The following MICU1 variants were observed in gnomAD, a reference collection of about 807,000 sequenced individuals.
MICU1 encodes calcium uptake protein 1, mitochondrial.
MICU1 carries 45 observed loss-of-function variants against 56.8 expected under a neutral mutation model. The ratio of observed to expected loss-of-function variants is 0.79; its 90% confidence interval spans 0.62 to 1.02. MICU1 has a LOEUF of 1.02. Ranked by LOEUF, MICU1 falls within the 50% of genes least tolerant of loss-of-function variation. The pLI is 0.00. For missense variants in MICU1, 504 were observed against 587.1 expected, an observed-to-expected ratio of 0.86 and a Z score of 1.46; for synonymous variants, 186 against 195.1, an observed-to-expected ratio of 0.95 and a Z score of 0.39.
rs1276210440 is a variant in MICU1 at position 72,462,224 on chromosome 10, T to C, written c.933+12876A>G. 3.3e-5 allele frequency among the ~76,000 whole-genome samples: 5 copies of C among 151,358 alleles called. No individual in the cohort carries two copies. In the South Asian group the frequency reaches 6.2e-4, roughly 19 times the overall value. On this transcript the variant is annotated intron_variant, in intron 8 of 11. Coordinates refer to ENST00000361114, the MANE Select transcript of MICU1 (RefSeq NM_001195518.2). ...AAATGTATTTCTTTTCTTTTCTTTT[T>C]TTTTTTTTTTGAGCCAGGGTCTTAC...
intron 8 of MICU1, among the ~76,000 whole-genome samples, chr10:72,436,369 A>G (rs968986974): frequency 6.6e-6 from 1 of 152,230 alleles, no homozygotes; most frequent in Non-Finnish European, 1.5e-5. Flanking sequence ...TAGCATCAAC[A>G]TCAACAAAAA....
chr10:72,582,973 C>G (rs1840943893), intron 1 of MICU1: 1 of 152,140 alleles, frequency 6.6e-6, no homozygotes, highest in Non-Finnish European at 1.5e-5. Flanking sequence ...GAGGGGTGAA[C>G]CAGGCCAGGT....
At chr10:72,534,990 C>T (rs948271275) in intron 4 of MICU1, among the ~76,000 whole-genome samples, 5 of 66,302 alleles carry the variant, frequency 7.5e-5, no homozygotes, top group Non-Finnish European at 1.7e-4. Context: ...ACTTTGATTG[C>T]CTATCTCCCT....
intron 2 of MICU1, among the ~76,000 whole-genome samples, chr10:72,566,008 A>G (rs1245385707): frequency 6.6e-6 from 1 of 151,680 alleles, no homozygotes; most frequent in African/African-American, 2.4e-5. Flanking sequence ...CAGGGTCACC[A>G]AATTGTGAAG....
At chr10:72,458,936 C>T (rs1865564832) in intron 8 of MICU1, among the ~76,000 whole-genome samples, 1 of 150,354 alleles carries the variant, frequency 6.7e-6, no homozygotes, top group Non-Finnish European at 1.5e-5. Flanking sequence ...CCTATGTTGC[C>T]CAGGCTGGTC....
intron 1 of MICU1, among the ~76,000 whole-genome samples, chr10:72,579,721 G>A (rs1476908882): frequency 6.6e-6 from 1 of 152,088 alleles, no homozygotes; most frequent in Non-Finnish European, 1.5e-5. Context: ...TGTCCACATA[G>A]GTGGATGCAA....
intron 6 of MICU1, among the ~76,000 whole-genome samples, chr10:72,489,638 T>C (rs1375052292): frequency 6.6e-6 from 1 of 152,222 alleles, no homozygotes; most frequent in Admixed American, 6.5e-5. Context: ...TAAAACTCAT[T>C]TTTATATTTA....
chr10:72,427,216 C>T (rs1864373372), intron 8 of MICU1, among the ~76,000 whole-genome samples: 1 of 152,090 alleles, frequency 6.6e-6, no homozygotes, highest in Admixed American at 6.6e-5. Context: ...CTGTTGTTCC[C>T]CAGGGGGCTG....
At chr10:72,596,248 T>G (rs1487757510) in intron 1 of MICU1, among the ~76,000 whole-genome samples, 1 of 152,198 alleles carries the variant, frequency 6.6e-6, no homozygotes, top group Non-Finnish European at 1.5e-5. Flanking sequence ...GTGCTGGGAT[T>G]ACAGGCGTGA....
rs558296225 is a variant in MICU1 at position 72,469,897 on chromosome 10, T to C, written c.933+5203A>G. Among the ~76,000 whole-genome samples, 109 of 152,320 alleles carry C rather than the reference T, an allele frequency of 7.2e-4. 1 individual carries two copies. In the Middle Eastern group the frequency reaches 0.014, roughly 19 times the overall value. On this transcript the variant is annotated intron_variant, in intron 8 of 11. Coordinates refer to ENST00000361114, the MANE Select transcript of MICU1 (RefSeq NM_001195518.2). The stretch of plus-strand genomic sequence containing the variant: ...CACATGATTATCTCTTGGGTCTTTT[T>C]GTTGTGCCTAAATCTCTTCTTCTTA...
intron 1 of MICU1, among the ~76,000 whole-genome samples, chr10:72,593,050 T>C (rs887737420): frequency 6.6e-6 from 1 of 151,768 alleles, no homozygotes; most frequent in Admixed American, 6.6e-5. Context: ...CCTCCCAAAG[T>C]GCTGAGATTA....
rs56957879 is a variant in MICU1 at position 72,368,395 on chromosome 10, C to T, written c.1271-40G>A. On this transcript the variant is annotated intron_variant, in intron 11 of 11. Transcript: ENST00000361114. Reference sequence around the variant, plus strand: ...AAAAACAACAGGGATAAGTGTTGGCCTTGGAACAACACCACTGATATAATT... The same window carrying T: ...AAAAACAACAGGGATAAGTGTTGGCTTTGGAACAACACCACTGATATAATT... 7.2e-3 allele frequency: 11,474 copies of T among 1,593,992 alleles called. 769 individuals are homozygous for T. The African/African-American group carries it at 0.14, about 19-fold the overall frequency.
At chr10:72,538,462 A>T (rs1839688708) in intron 4 of MICU1, among the ~76,000 whole-genome samples, 1 of 152,234 alleles carries the variant, frequency 6.6e-6, no homozygotes, top group East Asian at 1.9e-4. Context: ...TATTTAAAAC[A>T]CTTTAAAGTG....
At chr10:72,474,478 T>A (rs557275690) in intron 8 of MICU1, among the ~76,000 whole-genome samples, 1 of 152,122 alleles carries the variant, frequency 6.6e-6, no homozygotes, top group Non-Finnish European at 1.5e-5. Context: ...AGTAAACTTG[T>A]AAATCCCCAA....
intron 8 of MICU1, among the ~76,000 whole-genome samples, chr10:72,432,654 G>A (rs977455637): frequency 6.6e-6 from 1 of 152,146 alleles, no homozygotes; most frequent in African/African-American, 2.4e-5. Context: ...AAGAGAGGGG[G>A]AAGGTTCCAG....
intron 5 of MICU1, among the ~76,000 whole-genome samples, chr10:72,517,998 A>AT (rs1212178109): frequency 1.1e-4 from 13 of 116,162 alleles, no homozygotes; most frequent in Admixed American, 9.1e-4. Flanking sequence ...AGTTATTTAC[A>AT]TTTTTTGTTA....
intron 3 of MICU1, among the ~76,000 whole-genome samples, chr10:72,561,646 T>G (rs1840298351): frequency 6.6e-6 from 1 of 152,156 alleles, no homozygotes; most frequent in Non-Finnish European, 1.5e-5. Context: ...ACTCCATCTC[T>G]CCTACAAATA....
At chr10:72,575,913 C>G (rs1425850083) in intron 1 of MICU1, among the ~76,000 whole-genome samples, 1 of 152,114 alleles carries the variant, frequency 6.6e-6, no homozygotes. Flanking sequence ...ATCTCACTTT[C>G]AATCAAAAGC....
At chr10:72,622,930 TCTC>T (rs1178377111) in intron 1 of MICU1, among the ~76,000 whole-genome samples, 1 of 152,062 alleles carries the variant, frequency 6.6e-6, no homozygotes, top group Non-Finnish European at 1.5e-5. Context: ...ATCACCTTCT[TCTC>T]CTGGCACAAA....
Sources: gnomAD v4.1 joint callset for allele counts (sites outside exome capture counted in the v4.1 genomes callset) on GRCh38, gnomAD v4.1.1 for gene constraint, MANE v1.5 for transcripts, NCBI Gene and HGNC (gene_info 2026-07-23, HGNC 2026-07-21) for gene names.